ARHGAP23: variants seen among roughly 807,000 people sequenced by gnomAD.
ARHGAP23 encodes the protein rho GTPase-activating protein 23.
In ARHGAP23, 34 loss-of-function variants were observed where a neutral mutation model predicts 136.3. The ratio of observed to expected loss-of-function variants is 0.25; its 90% CI spans 0.19 to 0.33. The LOEUF (loss-of-function observed/expected upper bound fraction) is 0.33, where lower values mean the gene tolerates loss of function less well. Ranked by LOEUF, ARHGAP23 falls within the 10% of genes least tolerant of loss-of-function variation. ARHGAP23 has a pLI of 1.00. For missense variants in ARHGAP23, 1,808 were observed against 2,139.0 expected (o/e 0.85, Z 3.05); for synonymous variants, 832 against 920.5 (o/e 0.90, Z 1.74).
intron 11 of ARHGAP23, 86 bp downstream of exon 11, chr17:38,472,092 C>T: frequency 8.6e-6 from 11 of 1,283,982 alleles, no homozygotes; most frequent in Non-Finnish European, 1.2e-5. Flanking sequence ...GCCTCTGGAG[C>T]CAGAGAGAAC....
At position 38,446,901 on chromosome 17, in the gene ARHGAP23, A is replaced by T. The variant is rs184008047; in HGVS notation, c.64-11201A>T. On this transcript the variant is annotated intron_variant, in intron 1 of 23. Coordinates refer to ENST00000622683, the MANE Select transcript of ARHGAP23 (RefSeq NM_001199417.2). ...GCATCATAGCTCACTGCAGCCTCCA[A>T]CTCCTGGGTTCAAGGGATCCTCCCA... Among the ~76,000 whole-genome samples, 1,036 of 151,732 alleles carry T rather than the reference A, an allele frequency of 6.8e-3. 18 individuals are homozygous for T. Among genetic ancestry groups the T allele is most frequent in the Non-Finnish European group, 7.0e-3 (476 of 67,890 alleles).
intron 8 of ARHGAP23, 86 bp from the exon 9 acceptor site, chr17:38,469,438 C>T (rs2039690705): frequency 3.4e-6 from 5 of 1,467,644 alleles, no homozygotes; most frequent in Non-Finnish European, 4.6e-6. Context: ...GAGTCACCTC[C>T]TGCCCCTGCC....
intron 1 of ARHGAP23, among the ~76,000 whole-genome samples, chr17:38,434,464 T>C (rs1015560735): frequency 1.8e-4 from 28 of 152,198 alleles, no homozygotes; most frequent in African/African-American, 6.7e-4. Context: ...CCTGAATCCC[T>C]GGGAGGAGAG....
At chr17:38,493,212 G>GTT (rs58966916) in intron 20 of ARHGAP23, among the ~76,000 whole-genome samples, 12 of 141,316 alleles carry the variant, frequency 8.5e-5, no homozygotes, top group Non-Finnish European at 1.2e-4. Context: ...TTGTTTTTTT[G>GTT]TTTTTTTTTT....
At chr17:38,462,812 GC>G in intron 3 of ARHGAP23, 33 bp from the exon 4 acceptor site, 1 of 1,455,856 alleles carries the variant, frequency 6.9e-7, no homozygotes, top group Non-Finnish European at 9.1e-7. Context: ...ACCTTCCCCA[GC>G]CACCCCCAGC....
chr17:38,476,690 A>G (rs2039899548), intron 11 of ARHGAP23, among the ~76,000 whole-genome samples: 1 of 152,110 alleles, frequency 6.6e-6, no homozygotes, highest in African/African-American at 2.4e-5. Context: ...GTCAGGACAA[A>G]GTTCTGGAGC....
intron 14 of ARHGAP23, among the ~76,000 whole-genome samples, chr17:38,480,371 C>T (rs1324945809): frequency 2.6e-5 from 4 of 152,206 alleles, no homozygotes; most frequent in African/African-American, 9.6e-5. Flanking sequence ...CGATGGCTCA[C>T]GCCTGTAATC....
intron 7 of ARHGAP23, among the ~76,000 whole-genome samples, chr17:38,468,567 G>A (rs1400225153): frequency 6.6e-6 from 1 of 152,156 alleles, no homozygotes; most frequent in Non-Finnish European, 1.5e-5. Flanking sequence ...ACACAGCCCT[G>A]GCTCCCCCAG....
At chr17:38,506,493 C>T (rs539172154) in intron 23 of ARHGAP23, among the ~76,000 whole-genome samples, 37 of 152,176 alleles carry the variant, frequency 2.4e-4, no homozygotes, top group Non-Finnish European at 4.6e-4. Context: ...GTGCCTCAGA[C>T]AACAGAAATT....
intron 10 of ARHGAP23, among the ~76,000 whole-genome samples, chr17:38,470,725 C>G (rs148261077): frequency 0.012 from 1,872 of 151,248 alleles, 52 homozygotes; most frequent in African/African-American, 0.044. Context: ...TTAATAGAGA[C>G]TGGGTTTCAC....
In ARHGAP23 at chr17:38,510,483, C is replaced by CGGCGAG; in HGVS notation, c.3992_3997dup (p.Glu1331_Gly1332dup). ...GCCGCCTGGCCCGGGGCCGCCCAGACGGCGAGGGCGCGGGCCGGGGCGGTC... is the reference window on the plus strand; with the variant it reads ...GCCGCCTGGCCCGGGGCCGCCCAGACGGCGAGGGCGAGGGCGCGGGCCGGGGCGGTC... On this transcript the variant is annotated inframe_insertion, in exon 24 of 24. Coordinates refer to ENST00000622683, the MANE Select transcript of ARHGAP23 (RefSeq NM_001199417.2). This position sits in a 1 kb window ranked among gnomAD's most constrained non-coding sequence, Gnocchi z 4.6. 1.7e-6 allele frequency: 2 copies of CGGCGAG among 1,183,654 alleles called. No individual in the cohort carries two copies. The highest frequency in any genetic ancestry group is 2.1e-6 in the Non-Finnish European group (2 of 957,880). 73.3% of individuals were successfully genotyped at this position (1,183,654 alleles called of 1,614,324 possible). A position where few individuals can be genotyped will look rare whatever the true frequency, so the allele number is the denominator to read the frequency against.
At position 38,511,110 on chromosome 17, in the gene ARHGAP23, T is replaced by A; in HGVS notation, c.*138T>A. 1 of 932,658 alleles carries A rather than the reference T, an allele frequency of 1.1e-6. No homozygotes were observed. The highest frequency in any genetic ancestry group is 1.5e-6 in the Non-Finnish European group (1 of 678,394). The allele number at this position is 932,658 out of a possible 1,614,324, so 57.8% of individuals were successfully genotyped here. A position where few individuals can be genotyped will look rare whatever the true frequency, so the allele number is the denominator to read the frequency against. The stretch of plus-strand genomic sequence containing the variant: ...TGGAGGGCGCAGCAGGCAGTGTCTC[T>A]AGTTGGTGTGCTGGAACTGGCAGGG... On this transcript the variant is annotated 3_prime_UTR_variant, in exon 24 of 24. Transcript: ENST00000622683.
chr17:38,444,210 T>C (rs562514161), intron 1 of ARHGAP23, among the ~76,000 whole-genome samples: 3 of 151,650 alleles, frequency 2.0e-5, no homozygotes, highest in Non-Finnish European at 2.9e-5. Context: ...GGGAGCGAGG[T>C]TGAGGGAATG....
intron 2 of ARHGAP23, among the ~76,000 whole-genome samples, chr17:38,460,248 T>A (rs138490296): frequency 6.6e-6 from 1 of 152,260 alleles, no homozygotes; most frequent in African/African-American, 2.4e-5. Context: ...CCCCTAACTC[T>A]CATTTTCACC....
At chr17:38,490,050 A>G (rs12937928) in intron 17 of ARHGAP23, 52 bp from the exon 18 acceptor site, 1,113,693 of 1,524,936 alleles carry the variant, frequency 0.73, 411,559 homozygotes, top group East Asian at 0.92. Flanking sequence ...GGCCGGGAGA[A>G]CAGGGGAAGG....
intron 1 of ARHGAP23, among the ~76,000 whole-genome samples, chr17:38,457,232 T>C (rs547144129): frequency 6.6e-6 from 1 of 152,318 alleles, no homozygotes; most frequent in Non-Finnish European, 1.5e-5. Flanking sequence ...CCCAAAGTGC[T>C]GGGATTACAG....
chr17:38,493,022 G>A (rs911212065), intron 20 of ARHGAP23, among the ~76,000 whole-genome samples: 1 of 152,208 alleles, frequency 6.6e-6, no homozygotes, highest in Non-Finnish European at 1.5e-5. Context: ...AGCCCCAAGG[G>A]GGAGTCCCTG....
At chr17:38,490,254 G>C (rs1347389363) in intron 18 of ARHGAP23, 79 bp downstream of exon 18, 19 of 1,419,160 alleles carry the variant, frequency 1.3e-5, no homozygotes, top group Non-Finnish European at 1.5e-5. Flanking sequence ...AGGGAGTCCG[G>C]TGCTGCCCAC....
At chr17:38,494,760 A>C (rs1009072694) in intron 20 of ARHGAP23, among the ~76,000 whole-genome samples, 7 of 152,170 alleles carry the variant, frequency 4.6e-5, no homozygotes, top group Admixed American at 6.5e-5. Context: ...GCCTTAGAGG[A>C]CCATGATGAG....
Sources: allele counts gnomAD v4.1 joint callset (sites outside exome capture counted in the v4.1 genomes callset), GRCh38; gene constraint gnomAD v4.1.1; non-coding constraint Gnocchi (gnomAD v3.1); transcripts MANE v1.5; gene names NCBI Gene and HGNC (gene_info 2026-07-23, HGNC 2026-07-21).